The following NSMCE2 variants were observed in gnomAD, a reference collection of about 807,000 sequenced individuals.
NSMCE2 encodes the protein E3 SUMO-protein ligase NSE2.
In NSMCE2, 24 loss-of-function variants were observed where a neutral mutation model predicts 23.8. The ratio of observed to expected loss-of-function variants is 1.01; its 90% CI spans 0.73 to 1.42. The LOEUF (loss-of-function observed/expected upper bound fraction) is 1.42. Among genes scored for constraint, NSMCE2 ranks in the 40% most tolerant of loss-of-function variants. NSMCE2 has a pLI of 0.00. For synonymous variants in NSMCE2, 92 were observed against 94.1 expected (o/e 0.98, Z 0.13); for missense variants, 284 against 296.5 (o/e 0.96, Z 0.31).
intron 3 of NSMCE2, among the ~76,000 whole-genome samples, chr8:125,114,492 C>T (rs1458008247): frequency 2.6e-5 from 4 of 152,320 alleles, no homozygotes; most frequent in African/African-American, 9.6e-5. Flanking sequence ...CATGCCTATA[C>T]CCCATCCATA....
chr8:125,274,260 A>G (rs1827348713), intron 5 of NSMCE2, among the ~76,000 whole-genome samples: 1 of 152,198 alleles, frequency 6.6e-6, no homozygotes, highest in Non-Finnish European at 1.5e-5. Context: ...AACAAAAAAA[A>G]ACTTTTTAAC....
intron 5 of NSMCE2, among the ~76,000 whole-genome samples, chr8:125,280,884 G>A (rs903612751): frequency 1.3e-5 from 2 of 152,172 alleles, no homozygotes; most frequent in Admixed American, 6.5e-5. Context: ...TATTTGGATT[G>A]AATAAACATG....
intron 5 of NSMCE2, among the ~76,000 whole-genome samples, chr8:125,351,767 T>G (rs1199951906): frequency 6.6e-6 from 1 of 152,086 alleles, no homozygotes; most frequent in Non-Finnish European, 1.5e-5. Flanking sequence ...TCTCAGCACT[T>G]TGGGAGGCCA....
At chr8:125,201,178 G>A (rs1427161399) in intron 5 of NSMCE2, among the ~76,000 whole-genome samples, 2 of 152,166 alleles carry the variant, frequency 1.3e-5, no homozygotes, top group South Asian at 2.1e-4. Flanking sequence ...CTGTCAACTC[G>A]TCAAAGTCAT....
At chr8:125,105,883 A>C (rs1483286730) in intron 3 of NSMCE2, among the ~76,000 whole-genome samples, 1 of 152,224 alleles carries the variant, frequency 6.6e-6, no homozygotes, top group African/African-American at 2.4e-5. Flanking sequence ...TTTACAGCAA[A>C]TACTTGATTT....
At chr8:125,223,843 G>A (rs1482951212) in intron 5 of NSMCE2, among the ~76,000 whole-genome samples, 7 of 115,770 alleles carry the variant, frequency 6.0e-5, no homozygotes, top group African/African-American at 2.0e-4. Flanking sequence ...TCAGGGTCTT[G>A]CGCTGTCACG....
chr8:125,118,115 C>T (rs758418876), intron 3 of NSMCE2, among the ~76,000 whole-genome samples: 4 of 151,924 alleles, frequency 2.6e-5, no homozygotes, highest in Non-Finnish European at 4.4e-5. Flanking sequence ...TTTAGGAGGC[C>T]GAGGCGGGCG....
chr8:125,204,480 A>G (rs1824021795), intron 5 of NSMCE2, among the ~76,000 whole-genome samples: 1 of 152,132 alleles, frequency 6.6e-6, no homozygotes. Flanking sequence ...CCTTCCTCCA[A>G]TCATCAGCCT....
chr8:125,276,475 T>C (rs1053607121), intron 5 of NSMCE2, among the ~76,000 whole-genome samples: 8 of 151,452 alleles, frequency 5.3e-5, no homozygotes, highest in Non-Finnish European at 1.0e-4. Context: ...CACACTAATT[T>C]TTCTACTTGG....
intron 4 of NSMCE2, among the ~76,000 whole-genome samples, chr8:125,176,746 G>T (rs543528101): frequency 6.6e-6 from 1 of 152,282 alleles, no homozygotes; most frequent in East Asian, 1.9e-4. Context: ...TTAAAAACCA[G>T]AAAAATGTCT....
chr8:125,130,009 T>C (rs1163478489), intron 3 of NSMCE2, among the ~76,000 whole-genome samples: 1 of 152,200 alleles, frequency 6.6e-6, no homozygotes, highest in Non-Finnish European at 1.5e-5. Flanking sequence ...TTCACTGATA[T>C]CCTTTTAAAG....
At chr8:125,166,807 A>G (rs754815157) in intron 4 of NSMCE2, among the ~76,000 whole-genome samples, 9 of 152,186 alleles carry the variant, frequency 5.9e-5, no homozygotes, top group Non-Finnish European at 1.0e-4. Context: ...AAGGACTTCC[A>G]TGAGACTTAG....
At chr8:125,142,937 A>T (rs770230777) in intron 3 of NSMCE2, among the ~76,000 whole-genome samples, 6 of 152,200 alleles carry the variant, frequency 3.9e-5, no homozygotes, top group Non-Finnish European at 7.3e-5. Context: ...ACTAATATCT[A>T]TGTGGAGGAA....
chr8:125,193,560 C>T (rs1823461469), intron 5 of NSMCE2, among the ~76,000 whole-genome samples: 2 of 152,092 alleles, frequency 1.3e-5, no homozygotes, highest in South Asian at 2.1e-4. Flanking sequence ...ATTTATTCTT[C>T]ACTAGTTTTC....
At chr8:125,267,085 A>C (rs1009921999) in intron 5 of NSMCE2, among the ~76,000 whole-genome samples, 1 of 147,070 alleles carries the variant, frequency 6.8e-6, no homozygotes, top group Non-Finnish European at 1.5e-5. Context: ...GCCTACTGCA[A>C]CCTGTACCTC....
chr8:125,162,214 G>T (rs1821664189), intron 4 of NSMCE2, among the ~76,000 whole-genome samples: 1 of 152,138 alleles, frequency 6.6e-6, no homozygotes, highest in Non-Finnish European at 1.5e-5. Flanking sequence ...TTCTCAGGAA[G>T]TTGGTAAAAA....
intron 5 of NSMCE2, among the ~76,000 whole-genome samples, chr8:125,285,975 A>G (rs527625335): frequency 6.6e-6 from 1 of 151,928 alleles, no homozygotes; most frequent in Admixed American, 6.5e-5. Context: ...ATTAGGATGT[A>G]CCTTGGAATC....
At chr8:125,332,071 T>C (rs1422896612) in intron 5 of NSMCE2, among the ~76,000 whole-genome samples, 3 of 152,174 alleles carry the variant, frequency 2.0e-5, no homozygotes, top group Non-Finnish European at 4.4e-5. Flanking sequence ...CAGCCAGATA[T>C]GAAAACTGGC....
At chr8:125,166,604 A>G (rs1821890440) in intron 4 of NSMCE2, among the ~76,000 whole-genome samples, 1 of 152,192 alleles carries the variant, frequency 6.6e-6, no homozygotes, top group Non-Finnish European at 1.5e-5. Flanking sequence ...TAGCAAGAAC[A>G]GAAGGAAGAA....
Sources: gnomAD v4.1 joint callset for allele counts (sites outside exome capture counted in the v4.1 genomes callset) on GRCh38, gnomAD v4.1.1 for gene constraint, MANE v1.5 for transcripts, NCBI Gene and HGNC (gene_info 2026-07-23, HGNC 2026-07-21) for gene names.